Variants in CIB4 observed in about 807,000 individuals in gnomAD.
CIB4 encodes calcium and integrin binding family member 4.
In CIB4, 25 loss-of-function variants were observed where a neutral mutation model predicts 25.8. That is an observed-to-expected ratio of 0.97 (90% CI 0.71 to 1.35). The LOEUF is 1.35. CIB4 is among the 40% of genes most tolerant of loss of function. The probability of loss-of-function intolerance (pLI) is 0.00; values close to 1 mark genes in which losing one functional copy is unlikely to be tolerated. For missense variants in CIB4, 235 were observed against 228.2 expected (o/e 1.03, Z -0.19); for synonymous variants, 75 against 81.4 (o/e 0.92, Z 0.42).
intron 4 of CIB4, among the ~76,000 whole-genome samples, chr2:26,589,065 C>CTT (rs1257784351): frequency 2.6e-4 from 16 of 60,928 alleles, no homozygotes; most frequent in East Asian, 2.4e-3. Flanking sequence ...TCTTCCTCTT[C>CTT]CTCTTCCTCT....
Position 26,626,600 on chromosome 2 carries a change from T to C in CIB4, c.186+2810A>G, listed in dbSNP as rs141347731. Among the ~76,000 whole-genome samples the C allele has an allele frequency of 2.0e-5, 3 of 152,308 alleles. No individual in the cohort carries two copies. The East Asian group carries it at 5.8e-4, about 29-fold the overall frequency. On this transcript the variant is annotated intron_variant, in intron 3 of 6. Coordinates refer to ENST00000288861, the MANE Select transcript of CIB4 (RefSeq NM_001029881.3). ...GCTGGCTCTTATTTGTATAATAGAA[T>C]AAAATCATGACCATTTAAGATTAAA...
At chr2:26,589,147 CCCTTCCCCTTCCCCTTCT>C (rs1668536877) in intron 4 of CIB4, among the ~76,000 whole-genome samples, 1 of 95,020 alleles carries the variant, frequency 1.1e-5, no homozygotes, top group African/African-American at 4.5e-5. Context: ...CTTCTCCTTC[CCCTTCCCCTTCCCCTTCT>C]CCTTCTCCTT....
intron 4 of CIB4, among the ~76,000 whole-genome samples, chr2:26,589,145 TCCCCTTCCC>T (rs1668536636): frequency 8.7e-6 from 1 of 114,510 alleles, no homozygotes; most frequent in Non-Finnish European, 1.8e-5. Context: ...TTCTTCTCCT[TCCCCTTCCC>T]CTTCCCCTTC....
At chr2:26,598,277 G>A (rs936104562) in intron 3 of CIB4, among the ~76,000 whole-genome samples, 1 of 151,540 alleles carries the variant, frequency 6.6e-6, no homozygotes, top group African/African-American at 2.4e-5. Context: ...TCCAGCCTGG[G>A]TGACAGAGGG....
At chr2:26,598,514 G>A (rs1476239913) in intron 3 of CIB4, among the ~76,000 whole-genome samples, 1 of 152,172 alleles carries the variant, frequency 6.6e-6, no homozygotes, top group Non-Finnish European at 1.5e-5. Context: ...GGGAAACAGT[G>A]AGGAATCCGA....
intron 3 of CIB4, among the ~76,000 whole-genome samples, chr2:26,599,059 G>A (rs1477342640): frequency 6.6e-6 from 1 of 152,154 alleles, no homozygotes; most frequent in African/African-American, 2.4e-5. Flanking sequence ...TAAATTTGGG[G>A]ACCTATCCAG....
intron 4 of CIB4, among the ~76,000 whole-genome samples, chr2:26,590,167 G>A (rs534169307): frequency 2.0e-5 from 3 of 148,184 alleles, no homozygotes; most frequent in African/African-American, 7.5e-5. Context: ...CTGCTCATTC[G>A]AGCCATCCAG....
intron 3 of CIB4, 94 bp from the exon 4 acceptor site, chr2:26,595,411 G>T: frequency 7.3e-7 from 1 of 1,363,456 alleles, no homozygotes; most frequent in Non-Finnish European, 1.0e-6. Flanking sequence ...CTGTGTCCTG[G>T]GTTTGAGATG....
chr2:26,603,591 G>A (rs775639728), intron 3 of CIB4, among the ~76,000 whole-genome samples: 11 of 152,100 alleles, frequency 7.2e-5, no homozygotes, highest in Non-Finnish European at 1.2e-4. Context: ...ACATTTAAAT[G>A]AATGCAACAA....
intron 3 of CIB4, among the ~76,000 whole-genome samples, chr2:26,622,829 A>G (rs991927751): frequency 6.6e-6 from 1 of 152,116 alleles, no homozygotes; most frequent in African/African-American, 2.4e-5. Context: ...CTAAAAATAC[A>G]AAAATTAGCC....
intron 3 of CIB4, among the ~76,000 whole-genome samples, chr2:26,628,958 G>A (rs1669361170): frequency 6.6e-6 from 1 of 152,186 alleles, no homozygotes; most frequent in Non-Finnish European, 1.5e-5. Context: ...TGGCTGGTGT[G>A]GGGTCACTGG....
intron 3 of CIB4, among the ~76,000 whole-genome samples, chr2:26,617,717 C>T (rs890067697): frequency 1.3e-5 from 2 of 152,176 alleles, no homozygotes; most frequent in African/African-American, 2.4e-5. Context: ...CCAGCTGTCC[C>T]TGCCTGGGTT....
Position 26,640,578 on chromosome 2 carries a change from T to C in CIB4, c.55-11A>G. On this transcript the variant is annotated splice_polypyrimidine_tract_variant and intron_variant, in intron 1 of 6. Transcript: ENST00000288861. ...CAGGAAGGTCAGGGCCTGCAACAAA[T>C]CACAGAGAAGCGACGTGTCCACTCC... 6.2e-7 allele frequency: 1 copy of C among 1,610,382 alleles called. No individual in the cohort carries two copies. Among genetic ancestry groups the C allele is most frequent in the East Asian group, 2.3e-5 (1 of 44,428 alleles).
chr2:26,612,788 T>C (rs1192239254), intron 3 of CIB4, among the ~76,000 whole-genome samples: 1 of 152,122 alleles, frequency 6.6e-6, no homozygotes, highest in Non-Finnish European at 1.5e-5. Flanking sequence ...GAAGGTGGGG[T>C]GGCTTAAGCC....
Position 26,641,303 on chromosome 2 carries a change from G to C in CIB4, c.12C>G (p.Cys4Trp), listed in dbSNP as rs1394680489. The C allele has an allele frequency of 6.2e-7, 1 of 1,613,560 alleles. No individual in the cohort carries two copies. Among genetic ancestry groups the C allele is most frequent in the African/African-American group, 1.3e-5 (1 of 74,822 alleles). Residue 4 changes from cysteine (C) to tryptophan (W), a missense_variant, in exon 1 of 7, where the codon TGC (cysteine) becomes TGG (tryptophan). Cys to Trp is a radical substitution (Grantham distance 215). Coordinates refer to ENST00000288861, the MANE Select transcript of CIB4 (RefSeq NM_001029881.3). ...CCTCCCAGTGCATCTGATACCTCAA[G>C]CATTGCCCCATGCCAACCACACCTT... is the stretch of plus-strand genomic sequence containing the variant. MGQ[C>W]LRYQMHWEDL...
At chr2:26,610,346 T>G (rs1258424495) in intron 3 of CIB4, among the ~76,000 whole-genome samples, 1 of 152,170 alleles carries the variant, frequency 6.6e-6, no homozygotes. Context: ...CACTGCAGCC[T>G]CCTCTCACCA....
chr2:26,613,537 T>C (rs909698565), intron 3 of CIB4, among the ~76,000 whole-genome samples: 5 of 152,164 alleles, frequency 3.3e-5, no homozygotes, highest in Admixed American at 3.3e-4. Context: ...CTCCCTTTCC[T>C]GGAGTATTTT....
chr2:26,627,090 G>A lies in CIB4; in HGVS notation c.186+2320C>T, dbSNP rs569353481. ...AGACTCCAGGCCCTACTGAGACAAG[G>A]CTATTGCTGGAGAAGGATGTGTTGA... On this transcript the variant is annotated intron_variant, in intron 3 of 6. Transcript: ENST00000288861. The surrounding 1 kb of genome is among the most constrained non-coding windows in gnomAD (Gnocchi z 4.0). Among the ~76,000 whole-genome samples the A allele has an allele frequency of 1.4e-4, 21 of 152,266 alleles. No individual in the cohort carries two copies. In the South Asian group the frequency reaches 4.2e-3, roughly 30 times the overall value.
rs559712545 is a variant in CIB4, at chr2:26,607,132, G to A, written c.187-11815C>T. On this transcript the variant is annotated intron_variant, in intron 3 of 6. Coordinates refer to ENST00000288861, the MANE Select transcript of CIB4 (RefSeq NM_001029881.3). ...CAAAGGACTGCAGGCCTGAGGTTTT[G>A]GGGGCCACCTAGAAGCCTGGTCTTG... 6.6e-5 allele frequency among the ~76,000 whole-genome samples: 10 copies of A among 152,266 alleles called. No homozygotes were observed. The South Asian group carries it at 2.1e-3, about 32-fold the overall frequency.
Sources: allele counts gnomAD v4.1 joint callset (sites outside exome capture counted in the v4.1 genomes callset), GRCh38; gene constraint gnomAD v4.1.1; non-coding constraint Gnocchi (gnomAD v3.1); transcripts MANE v1.5; gene names NCBI Gene and HGNC (gene_info 2026-07-23, HGNC 2026-07-21).